Variants in PPIG observed in about 807,000 individuals in gnomAD.
PPIG encodes peptidylprolyl isomerase G.
Under a neutral mutation model 87.9 loss-of-function variants are expected in PPIG, and 26 were observed. That is an observed-to-expected ratio of 0.30 (90% CI 0.22 to 0.41). The LOEUF is 0.41. PPIG is among the 10% of genes least tolerant of loss of function. PPIG has a pLI of 1.00. For synonymous variants in PPIG, 308 were observed against 276.5 expected (o/e 1.11, Z -1.13); for missense variants, 722 against 879.4 (o/e 0.82, Z 2.26).
At chr2:169,631,467 T>C (rs1047100575) in intron 10 of PPIG, 75 of 681,842 alleles carry the variant, frequency 1.1e-4, no homozygotes, top group Non-Finnish European at 1.4e-4. Context: ...TTACCCATGT[T>C]TTAAAGTATT....
At chr2:169,593,179 A>G (rs1252730770) in intron 1 of PPIG, among the ~76,000 whole-genome samples, 2 of 151,516 alleles carry the variant, frequency 1.3e-5, no homozygotes, top group African/African-American at 2.4e-5. Flanking sequence ...CAGTACATTT[A>G]TTATTTATTT....
rs1423294068 is a variant in PPIG at position 169,604,279 on chromosome 2, A to G, written c.136+18A>G. The G allele has an allele frequency of 3.8e-6, 6 of 1,577,182 alleles. No homozygotes were observed. The highest frequency in any genetic ancestry group is 1.4e-5 in the African/African-American group (1 of 72,596). On this transcript the variant is annotated intron_variant, in intron 4 of 13. Coordinates refer to ENST00000260970, the MANE Select transcript of PPIG (RefSeq NM_004792.3). ...TTGTACAGGTTTGTTCACATTTTCA[A>G]CTGCCCTAATAGTAGTCTCAGTTGA...
intron 9 of PPIG, among the ~76,000 whole-genome samples, chr2:169,629,779 C>A (rs979074776): frequency 1.3e-5 from 2 of 152,126 alleles, no homozygotes; most frequent in African/African-American, 4.8e-5. Context: ...ACTATAATTT[C>A]TTTTTCATTT....
chr2:169,605,435 G>A lies in PPIG; in HGVS notation c.137-604G>A, dbSNP rs186146213. Reference sequence around the variant, plus strand: ...GGAGATTCGCTTGAGCCCAGGAGGCGGAGGTGGCAGTGAGCCAAGATCACT... The same window carrying A: ...GGAGATTCGCTTGAGCCCAGGAGGCAGAGGTGGCAGTGAGCCAAGATCACT... On this transcript the variant is annotated intron_variant, in intron 4 of 13. Coordinates refer to ENST00000260970, the MANE Select transcript of PPIG (RefSeq NM_004792.3). Among the ~76,000 whole-genome samples the A allele has an allele frequency of 3.4e-3, 519 of 152,270 alleles. 3 individuals are homozygous for A. Among genetic ancestry groups the A allele is most frequent in the Non-Finnish European group, 5.6e-3 (379 of 68,012 alleles).
In PPIG at chr2:169,603,911, CAA is replaced by C; in HGVS notation, c.-16-112_-16-111del. ...TGATTTACCTCATAGAAATAAATAT[CAA>C]AATAAATTCAAACTATATTTCTAAT... On this transcript the variant is annotated intron_variant, in intron 2 of 13. Coordinates refer to ENST00000260970, the MANE Select transcript of PPIG (RefSeq NM_004792.3). The C allele has an allele frequency of 5.2e-6, 4 of 776,088 alleles. No homozygotes were observed. The South Asian group carries it at 7.2e-5, about 14-fold the overall frequency. 48.1% of individuals were successfully genotyped at this position (776,088 alleles called of 1,614,324 possible).
At chr2:169,605,425 C>T (rs1685296640) in intron 4 of PPIG, among the ~76,000 whole-genome samples, 1 of 151,902 alleles carries the variant, frequency 6.6e-6, no homozygotes, top group Non-Finnish European at 1.5e-5. Flanking sequence ...TTCGCTTGAG[C>T]CCAGGAGGCG....
chr2:169,603,262 A>G (rs1685232837), intron 1 of PPIG, among the ~76,000 whole-genome samples: 2 of 152,130 alleles, frequency 1.3e-5, no homozygotes, highest in African/African-American at 4.8e-5. Flanking sequence ...TCCACCAAGT[A>G]TTACGATTCA....
rs553647808 is a variant in PPIG, at chr2:169,617,450, G to A, written c.547+2726G>A. Reference sequence around the variant, plus strand: ...GCATTGAATCTATAAATTACTTTGGGCAGTATGGCCATTTTTACGATATTG... The same window carrying A: ...GCATTGAATCTATAAATTACTTTGGACAGTATGGCCATTTTTACGATATTG... On this transcript the variant is annotated intron_variant, in intron 9 of 13. Coordinates refer to ENST00000260970, the MANE Select transcript of PPIG (RefSeq NM_004792.3). Among the ~76,000 whole-genome samples, 39 of 152,252 alleles carry A rather than the reference G, an allele frequency of 2.6e-4. No individual in the cohort carries two copies. The South Asian group carries it at 4.4e-3, about 17-fold the overall frequency.
At chr2:169,618,795 C>T (rs1262505881) in intron 9 of PPIG, among the ~76,000 whole-genome samples, 1 of 149,236 alleles carries the variant, frequency 6.7e-6, no homozygotes, top group African/African-American at 2.5e-5. Context: ...TTTTGTTAAA[C>T]TTTTCAAAAG....
intron 11 of PPIG, 57 bp from the exon 12 acceptor site, chr2:169,633,103 T>C (rs567472079): frequency 7.7e-7 from 1 of 1,292,216 alleles, no homozygotes; most frequent in East Asian, 2.3e-5. Flanking sequence ...AAGTAACATG[T>C]CTGGCCAACA....
chr2:169,590,143 A>G (rs1192237255), intron 1 of PPIG, among the ~76,000 whole-genome samples: 2 of 135,838 alleles, frequency 1.5e-5, no homozygotes, highest in African/African-American at 5.3e-5. Flanking sequence ...AAAAAAAAAG[A>G]AAAGAAAAGA....
intron 1 of PPIG, among the ~76,000 whole-genome samples, chr2:169,596,431 C>T (rs1343553285): frequency 2.0e-5 from 3 of 152,068 alleles, no homozygotes; most frequent in African/African-American, 7.2e-5. Context: ...GTGGCCTAAA[C>T]CCCTAGATCC....
chr2:169,589,684 C>G (rs1355848955), intron 1 of PPIG, among the ~76,000 whole-genome samples: 1 of 151,822 alleles, frequency 6.6e-6, no homozygotes, highest in Non-Finnish European at 1.5e-5. Flanking sequence ...TTTTGGGAAA[C>G]AAAACACTTC....
chr2:169,615,025 A>G (rs2105500741), intron 9 of PPIG, among the ~76,000 whole-genome samples: 1 of 151,276 alleles, frequency 6.6e-6, no homozygotes, highest in East Asian at 1.9e-4. Flanking sequence ...TTAAAATCTT[A>G]GTGGTTTTGG....
intron 9 of PPIG, among the ~76,000 whole-genome samples, chr2:169,626,985 C>T (rs1685905280): frequency 6.6e-6 from 1 of 152,114 alleles, no homozygotes; most frequent in Non-Finnish European, 1.5e-5. Context: ...GCTAGGATTA[C>T]AGGTGTGAGC....
At position 169,641,039 on chromosome 2, in the gene PPIG, C is replaced by T. The variant is rs947007425; in HGVS notation, c.*3516C>T. 6.6e-6 allele frequency: 1 copy of T among 152,036 alleles called. No individual in the cohort carries two copies. Among genetic ancestry groups the T allele is most frequent in the Admixed American group, 6.6e-5 (1 of 15,256 alleles). 9.4% of individuals were successfully genotyped at this position (152,036 alleles called of 1,614,324 possible). A position where few individuals can be genotyped will look rare whatever the true frequency, so the allele number is the denominator to read the frequency against. On this transcript the variant is annotated 3_prime_UTR_variant, in exon 14 of 14. Transcript: ENST00000260970. Reference sequence around the variant, plus strand: ...AGCAAATTCCATATGTTACCAAAAGCACATGCTGTATATTTTCTTCCCCTT... The same window carrying T: ...AGCAAATTCCATATGTTACCAAAAGTACATGCTGTATATTTTCTTCCCCTT...
In PPIG at chr2:169,640,317, G is replaced by C. The variant is rs1164483129; in HGVS notation, c.*2794G>C. On this transcript the variant is annotated 3_prime_UTR_variant, in exon 14 of 14. Transcript: ENST00000260970. ...ATATTTGTGCCTAGTGGAAGGTATG[G>C]AGCTAAACAATTAAAGAACTCTTCA... The C allele has an allele frequency of 5.3e-5, 8 of 152,278 alleles. No homozygotes were observed. Among genetic ancestry groups the C allele is most frequent in the Middle Eastern group, 3.4e-3 (1 of 294 alleles). The allele number at this position is 152,278 out of a possible 1,614,324, so 9.4% of individuals were successfully genotyped here. A position where few individuals can be genotyped will look rare whatever the true frequency, so the allele number is the denominator to read the frequency against.
Position 169,630,714 on chromosome 2 carries a change from TCTC to T in PPIG, c.548-57_548-55del, listed in dbSNP as rs951496156. On this transcript the variant is annotated intron_variant, in intron 9 of 13. Transcript: ENST00000260970. ...AGTGAGAATCTGCAGAAAATTTAAA[TCTC>T]CTTCCACAAAGTTTGTCTAAAAATT... 56 of 1,402,004 alleles carry T rather than the reference TCTC, an allele frequency of 4.0e-5. No individual in the cohort carries two copies. The African/African-American group carries it at 7.5e-4, about 19-fold the overall frequency. 86.8% of individuals were successfully genotyped at this position (1,402,004 alleles called of 1,614,324 possible). A position where few individuals can be genotyped will look rare whatever the true frequency, so the allele number is the denominator to read the frequency against.
chr2:169,627,727 A>ATTTTTTTTTTTTTTTT (rs1685930108), intron 9 of PPIG, among the ~76,000 whole-genome samples: 3 of 70,966 alleles, frequency 4.2e-5, no homozygotes, highest in Non-Finnish European at 5.2e-5. Flanking sequence ...TTTTTTTTTA[A>ATTTTTTTTTTTTTTTT]TTTCAAACAC....
Sources: gnomAD v4.1 joint callset for allele counts (sites outside exome capture counted in the v4.1 genomes callset) on GRCh38, gnomAD v4.1.1 for gene constraint, MANE v1.5 for transcripts, NCBI Gene and HGNC (gene_info 2026-07-23, HGNC 2026-07-21) for gene names.